The following PPP3CA variants were observed in gnomAD, a reference collection of about 807,000 sequenced individuals.
PPP3CA encodes the protein protein phosphatase 3 catalytic subunit alpha.
In PPP3CA, 14 loss-of-function variants were observed where a neutral mutation model predicts 66.5. That is an observed-to-expected ratio of 0.21 (90% CI 0.14 to 0.33). The LOEUF (loss-of-function observed/expected upper bound fraction) is 0.33. Ranked by LOEUF, PPP3CA falls within the 10% of genes least tolerant of loss-of-function variation. PPP3CA has a pLI of 1.00. For synonymous variants in PPP3CA, 232 were observed against 226.2 expected (o/e 1.03, Z -0.23); for missense variants, 317 against 639.5 (o/e 0.50, Z 5.44).
At chr4:101,298,464 C>T (rs1261745897) in intron 1 of PPP3CA, among the ~76,000 whole-genome samples, 1 of 151,752 alleles carries the variant, frequency 6.6e-6, no homozygotes, top group Non-Finnish European at 1.5e-5. Flanking sequence ...CCCCTGCCAC[C>T]TCCTCTACCT....
intron 1 of PPP3CA, among the ~76,000 whole-genome samples, chr4:101,256,878 T>G (rs1032103927): frequency 3.9e-5 from 6 of 152,030 alleles, no homozygotes; most frequent in African/African-American, 1.4e-4. Context: ...CTAGATAGTT[T>G]CAAGTATATT....
rs547964972 is a variant in PPP3CA at position 101,241,102 on chromosome 4, A to G, written c.59-44986T>C. Among the ~76,000 whole-genome samples, 9 of 152,122 alleles carry G rather than the reference A, an allele frequency of 5.9e-5. No homozygotes were observed. The East Asian group carries it at 1.7e-3, about 30-fold the overall frequency. Reference sequence around the variant, plus strand: ...GGAAGGTCTCAAACTCCTGGACTCAAGCAATCCTCCTGCTTCAGCCTCCTA... The same window carrying G: ...GGAAGGTCTCAAACTCCTGGACTCAGGCAATCCTCCTGCTTCAGCCTCCTA... On this transcript the variant is annotated intron_variant, in intron 1 of 13. Coordinates refer to ENST00000394854, the MANE Select transcript of PPP3CA (RefSeq NM_000944.5).
intron 1 of PPP3CA, among the ~76,000 whole-genome samples, chr4:101,288,150 G>C (rs1263432142): frequency 2.0e-5 from 3 of 152,132 alleles, no homozygotes; most frequent in Admixed American, 6.6e-5. Flanking sequence ...CTTGGTGACA[G>C]AAACTTAAGG....
At chr4:101,042,446 G>A (rs944566068) in intron 10 of PPP3CA, among the ~76,000 whole-genome samples, 21 of 152,140 alleles carry the variant, frequency 1.4e-4, no homozygotes, top group East Asian at 1.2e-3. Context: ...CAATGGGAAG[G>A]ACTTATTATT....
At chr4:101,208,610 A>G (rs1725211392) in intron 1 of PPP3CA, among the ~76,000 whole-genome samples, 1 of 152,234 alleles carries the variant, frequency 6.6e-6, no homozygotes, top group Non-Finnish European at 1.5e-5. Flanking sequence ...ACAGATTACT[A>G]GACAATACTC....
At chr4:101,039,729 GCAA>G (rs2110210403) in intron 11 of PPP3CA, among the ~76,000 whole-genome samples, 1 of 144,182 alleles carries the variant, frequency 6.9e-6, no homozygotes, top group Non-Finnish European at 1.6e-5. Flanking sequence ...AAGAGTTGGG[GCAA>G]AAATTTGGCA....
intron 1 of PPP3CA, among the ~76,000 whole-genome samples, chr4:101,208,485 G>T (rs1432086233): frequency 6.6e-6 from 1 of 152,156 alleles, no homozygotes; most frequent in East Asian, 1.9e-4. Flanking sequence ...AAGGGATGCT[G>T]GCATGGCATA....
chr4:101,286,830 C>A (rs1234005985), intron 1 of PPP3CA, among the ~76,000 whole-genome samples: 1 of 152,144 alleles, frequency 6.6e-6, no homozygotes, highest in Non-Finnish European at 1.5e-5. Flanking sequence ...AAGCCTGATC[C>A]TTTATCAAGG....
In PPP3CA at chr4:101,029,153, C is replaced by G. The variant is rs1726802951; in HGVS notation, c.1369+13G>C. 3 of 1,594,644 alleles carry G rather than the reference C, an allele frequency of 1.9e-6. No homozygotes were observed. Among genetic ancestry groups the G allele is most frequent in the Non-Finnish European group, 2.6e-6 (3 of 1,162,748 alleles). On this transcript the variant is annotated intron_variant, in intron 13 of 13. Transcript: ENST00000394854. Reference sequence around the variant, plus strand: ...TGTTGCAGGTACAACAGAAAGGGGACTGGCCAATTTACCTTCATCAGCCTC... The same window carrying G: ...TGTTGCAGGTACAACAGAAAGGGGAGTGGCCAATTTACCTTCATCAGCCTC...
chr4:101,068,262 A>C (rs1308727011), intron 8 of PPP3CA, among the ~76,000 whole-genome samples: 1 of 152,164 alleles, frequency 6.6e-6, no homozygotes, highest in Non-Finnish European at 1.5e-5. Flanking sequence ...AATAAATTGC[A>C]TAATAGACCC....
In PPP3CA at chr4:101,232,910, G is replaced by GA. The variant is rs1182217390; in HGVS notation, c.59-36795dup. ...GAAAAAGAAATTATCAGTAATAAATGAAAAACACCATACAGATTTACTAGT... is the reference window on the plus strand; with the variant it reads ...GAAAAAGAAATTATCAGTAATAAATGAAAAAACACCATACAGATTTACTAGT... On this transcript the variant is annotated intron_variant, in intron 1 of 13. Transcript: ENST00000394854. Among the ~76,000 whole-genome samples the GA allele has an allele frequency of 4.6e-5, 7 of 151,576 alleles. No individual in the cohort carries two copies. In the East Asian group the frequency reaches 1.4e-3, roughly 30 times the overall value.
At chr4:101,223,727 A>G (rs1725696730) in intron 1 of PPP3CA, among the ~76,000 whole-genome samples, 1 of 151,878 alleles carries the variant, frequency 6.6e-6, no homozygotes, top group East Asian at 1.9e-4. Flanking sequence ...GTAAATGAAA[A>G]CTGAAAACTT....
Position 101,040,585 on chromosome 4 carries a change from TTCAGTGG to T in PPP3CA, c.1157-26_1157-20del. ...GTTGCACCTGTATTTTCAAACAGAG[TTCAGTGG>T]TCAGTAATTTTTTATCTAATTGTAA... On this transcript the variant is annotated intron_variant, in intron 10 of 13. Transcript: ENST00000394854. 6.3e-7 allele frequency: 1 copy of T among 1,586,834 alleles called. No individual in the cohort carries two copies. The highest frequency in any genetic ancestry group is 8.6e-7 in the Non-Finnish European group (1 of 1,162,060).
At chr4:101,320,120 T>C (rs1021358827) in intron 1 of PPP3CA, among the ~76,000 whole-genome samples, 2 of 151,982 alleles carry the variant, frequency 1.3e-5, no homozygotes, top group Non-Finnish European at 2.9e-5. Context: ...TTCTATCTTA[T>C]AGAAACAACT....
intron 8 of PPP3CA, among the ~76,000 whole-genome samples, chr4:101,079,581 C>T (rs887372167): frequency 1.3e-5 from 2 of 152,014 alleles, no homozygotes; most frequent in African/African-American, 2.4e-5. Context: ...CGGAGTTTCA[C>T]CGTGTTAGCC....
intron 2 of PPP3CA, among the ~76,000 whole-genome samples, chr4:101,184,645 G>C (rs1724350918): frequency 6.6e-6 from 1 of 152,060 alleles, no homozygotes; most frequent in Non-Finnish European, 1.5e-5. Context: ...GTGTCTCTTA[G>C]AAAATTTAAA....
At position 101,103,731 on chromosome 4, in the gene PPP3CA, G is replaced by A. The variant is rs563423135; in HGVS notation, c.385-4009C>T. 2.0e-5 allele frequency among the ~76,000 whole-genome samples: 3 copies of A among 152,248 alleles called. No homozygotes were observed. The South Asian group carries it at 6.2e-4, about 32-fold the overall frequency. On this transcript the variant is annotated intron_variant, in intron 3 of 13. Coordinates refer to ENST00000394854, the MANE Select transcript of PPP3CA (RefSeq NM_000944.5). ...AGCTCAAGGCAGTGTAGTGCAAAACGGCTAGAAAGGGAGTTTGAGGAAGTG... is the reference window on the plus strand; with the variant it reads ...AGCTCAAGGCAGTGTAGTGCAAAACAGCTAGAAAGGGAGTTTGAGGAAGTG...
At chr4:101,207,815 ACT>A (rs1053675333) in intron 1 of PPP3CA, among the ~76,000 whole-genome samples, 25 of 148,490 alleles carry the variant, frequency 1.7e-4, no homozygotes, top group African/African-American at 6.4e-4. Flanking sequence ...ACAGAGCGAG[ACT>A]CCGTCTAAAC....
intron 1 of PPP3CA, among the ~76,000 whole-genome samples, chr4:101,204,699 C>T (rs150763261): frequency 6.7e-6 from 1 of 149,996 alleles, no homozygotes; most frequent in Non-Finnish European, 1.5e-5. Flanking sequence ...ATGGACAATG[C>T]CAATCACAAA....
Sources: allele counts gnomAD v4.1 joint callset (sites outside exome capture counted in the v4.1 genomes callset), GRCh38; gene constraint gnomAD v4.1.1; transcripts MANE v1.5; gene names NCBI Gene and HGNC (gene_info 2026-07-23, HGNC 2026-07-21).